The following LTF variants were observed in gnomAD, a reference collection of about 807,000 sequenced individuals.
LTF encodes the protein epididymis luminal protein 110.
A neutral mutation model predicts 87.2 loss-of-function variants in LTF; 91 were observed. That is an observed-to-expected ratio of 1.04 (90% CI 0.88 to 1.24). The LOEUF (loss-of-function observed/expected upper bound fraction) is 1.24, where lower values mean the gene tolerates loss of function less well. LTF is among the 50% of genes most tolerant of loss of function. The pLI is 0.00. For missense variants in LTF, 901 were observed against 904.3 expected (o/e 1.00, Z 0.05); for synonymous variants, 378 against 356.1 (o/e 1.06, Z -0.69).
chr3:46,461,620 A>T (rs922708297), intron 1 of LTF, among the ~76,000 whole-genome samples: 18 of 152,332 alleles, frequency 1.2e-4, no homozygotes, highest in African/African-American at 4.3e-4. Flanking sequence ...TGGTTGTCTG[A>T]TGCTGGGGTA....
chr3:46,445,150 C>T (rs1702616790), intron 12 of LTF, 131 bp downstream of exon 12: 1 of 956,006 alleles, frequency 1.0e-6, no homozygotes, highest in Non-Finnish European at 1.5e-6. Flanking sequence ...GGGAGAATTT[C>T]CTTATGCTGG....
rs765686239 is a variant in LTF, at chr3:46,459,657, G to A, written c.206C>T (p.Ala69Val). ...DSPIQCIQAI[A>V]ENRADAVTLD... ...AACCAACACCCGGCATTGACTCACC[G>A]CAATGGCCTGGATACACTGGATGGG... The change falls in exon 2 of 17, where the codon GCG becomes GTG. Residue 69 changes from alanine (A) to valine (V), a missense_variant and splice_region_variant. Transcript: ENST00000231751. 1.9e-5 allele frequency: 28 copies of A among 1,459,812 alleles called. No individual in the cohort carries two copies. The highest frequency in any genetic ancestry group is 3.6e-4 in the Middle Eastern group (2 of 5,554). The allele number at this position is 1,459,812 out of a possible 1,614,324, so 90.4% of individuals were successfully genotyped here.
chr3:46,478,609 G>A (rs1282780343), intron 1 of LTF, among the ~76,000 whole-genome samples: 1 of 152,146 alleles, frequency 6.6e-6, no homozygotes, highest in Non-Finnish European at 1.5e-5. Context: ...GATGCTAGAG[G>A]GCCAAGGGGA....
chr3:46,456,352 T>A lies in LTF; in HGVS notation c.254A>T (p.Glu85Val). 6.2e-7 allele frequency: 1 copy of A among 1,614,152 alleles called. No individual in the cohort carries two copies. The highest frequency in any genetic ancestry group is 8.5e-7 in the Non-Finnish European group (1 of 1,180,016). ...AVTLDGGFIY[E>V]AGLAPYKLRP... ...CAGTTTGTAGGGGGCCAGGCCTGCCTCGTATATGAAACCACCATCAAGGGT... is the reference window on the plus strand; with the variant it reads ...CAGTTTGTAGGGGGCCAGGCCTGCCACGTATATGAAACCACCATCAAGGGT... The change falls in exon 3 of 17, where the codon GAG (glutamate) becomes GTG (valine). Residue 85 changes from glutamate to valine, a missense_variant. Transcript: ENST00000231751.
intron 2 of LTF, among the ~76,000 whole-genome samples, chr3:46,470,086 G>A (rs1703263722): frequency 6.6e-6 from 1 of 152,194 alleles, no homozygotes; most frequent in Non-Finnish European, 1.5e-5. Context: ...AGTGGGCAAG[G>A]GGCAGTGGAA....
At chr3:46,460,355 G>A (rs761175645) in intron 1 of LTF, among the ~76,000 whole-genome samples, 5 of 152,286 alleles carry the variant, frequency 3.3e-5, no homozygotes, top group Middle Eastern at 3.4e-3. Context: ...TACCTGAGTC[G>A]GTTGGTAGCT....
At chr3:46,455,044 A>T (rs1702892341) in intron 5 of LTF, among the ~76,000 whole-genome samples, 1 of 152,204 alleles carries the variant, frequency 6.6e-6, no homozygotes, top group Non-Finnish European at 1.5e-5. Context: ...CTGAGGTAAC[A>T]GGAGGGCCCA....
At chr3:46,446,973 AC>A (rs769790151) in intron 10 of LTF, among the ~76,000 whole-genome samples, 1 of 152,220 alleles carries the variant, frequency 6.6e-6, no homozygotes, top group Non-Finnish European at 1.5e-5. Flanking sequence ...GGCTTCTGAA[AC>A]TTGCAGTGTT....
intron 15 of LTF, 97 bp from the exon 16 acceptor site, chr3:46,438,226 G>T: frequency 9.9e-7 from 1 of 1,013,924 alleles, no homozygotes; most frequent in Non-Finnish European, 1.5e-6. Context: ...GAACAGCCCT[G>T]AGAAAACCAT....
intron 1 of LTF, chr3:46,463,636 A>C: frequency 1.0e-6 from 1 of 985,432 alleles, no homozygotes; most frequent in Non-Finnish European, 1.2e-6. Flanking sequence ...GTGAATATAA[A>C]ACCCAGTGGT....
intron 1 of LTF, among the ~76,000 whole-genome samples, chr3:46,481,264 T>A (rs138415015): frequency 1.1e-4 from 17 of 152,328 alleles, no homozygotes; most frequent in Non-Finnish European, 2.2e-4. Context: ...AATTATCAAC[T>A]AGGCTGGCCA....
chr3:46,463,111 C>T (rs1249551876), intron 1 of LTF, among the ~76,000 whole-genome samples: 1 of 152,162 alleles, frequency 6.6e-6, no homozygotes, highest in East Asian at 1.9e-4. Context: ...GCTATGTGAC[C>T]CCCTGAAGCA....
chr3:46,466,258 G>A (rs975844167), upstream of LTF, among the ~76,000 whole-genome samples: 12 of 151,760 alleles, frequency 7.9e-5, no homozygotes, highest in South Asian at 1.0e-3. Context: ...AAAAAAAAAA[G>A]GGTAACTAAG....
intron 1 of LTF, among the ~76,000 whole-genome samples, chr3:46,477,114 C>T (rs1703368551): frequency 1.3e-5 from 2 of 152,172 alleles, no homozygotes; most frequent in Non-Finnish European, 2.9e-5. Flanking sequence ...ATTCATATTC[C>T]CACCAATGTA....
Position 46,454,311 on chromosome 3 carries a change from C to G in LTF, c.697G>C (p.Val233Leu). 6.2e-7 allele frequency: 1 copy of G among 1,614,142 alleles called. No individual in the cohort carries two copies. The highest frequency in any genetic ancestry group is 1.1e-5 in the South Asian group (1 of 91,080). The change falls in exon 6 of 17, where the codon GTG becomes CTG. Residue 233 changes from valine to leucine, a missense_variant. Coordinates refer to ENST00000231751, the MANE Select transcript of LTF (RefSeq NM_002343.6). The part of the protein sequence containing the change: ...GDVAFIREST[V>L]FEDLSDEAER... Reference sequence around the variant, plus strand: ...CTCATTACCCTGCTCTTACCAAACACTGTGCTCTCTCTGATAAAAGCCACG... The same window carrying G: ...CTCATTACCCTGCTCTTACCAAACAGTGTGCTCTCTCTGATAAAAGCCACG...
intron 1 of LTF, among the ~76,000 whole-genome samples, chr3:46,461,888 C>T (rs1457910127): frequency 6.6e-6 from 1 of 152,150 alleles, no homozygotes; most frequent in African/African-American, 2.4e-5. Flanking sequence ...TTTGGATGTG[C>T]TATGGGGTAG....
chr3:46,481,650 C>A (rs1401045575), intron 1 of LTF, among the ~76,000 whole-genome samples: 5 of 152,148 alleles, frequency 3.3e-5, no homozygotes, highest in East Asian at 3.8e-4. Flanking sequence ...ACTCGGGAGG[C>A]TGAGGCAGAA....
At chr3:46,477,242 T>C (rs148987577) in intron 1 of LTF, among the ~76,000 whole-genome samples, 1 of 152,376 alleles carries the variant, frequency 6.6e-6, no homozygotes, top group Non-Finnish European at 1.5e-5. Context: ...GGTAAGGCTT[T>C]TTCTCATTGG....
At position 46,443,546 on chromosome 3, in the gene LTF, TCAGACCCAGGGGCA is replaced by T. The variant is rs1413197688; in HGVS notation, c.1536_1549del (p.Cys512Ter). 1.9e-6 allele frequency: 3 copies of T among 1,613,758 alleles called. No homozygotes were observed. Among genetic ancestry groups the T allele is most frequent in the Non-Finnish European group, 2.5e-6 (3 of 1,179,888 alleles). On this transcript the variant is annotated stop_gained and frameshift_variant, in exon 13 of 17. Transcript: ENST00000231751. LOFTEE classifies it high-confidence loss of function. Reference sequence around the variant, plus strand: ...CAGAGCACAGAGATTAGATCTCGGGTCAGACCCAGGGGCACAGCTTTGACTGAAATATTCATCTG... The same window carrying T: ...CAGAGCACAGAGATTAGATCTCGGGTCAGCTTTGACTGAAATATTCATCTG...
Sources: gnomAD v4.1 joint callset for allele counts (sites outside exome capture counted in the v4.1 genomes callset) on GRCh38, gnomAD v4.1.1 for gene constraint, MANE v1.5 for transcripts, NCBI Gene and HGNC (gene_info 2026-07-23, HGNC 2026-07-21) for gene names.